The following GK variants were observed in gnomAD, a reference collection of about 807,000 sequenced individuals.
GK encodes the protein glycerol kinase.
GK carries 9 observed loss-of-function variants against 56.4 expected under a neutral mutation model. That is an observed-to-expected ratio of 0.16 (90% CI 0.10 to 0.28). The LOEUF is 0.28. GK is among the 10% of genes least tolerant of loss of function. The pLI is 1.00. For synonymous variants in GK, 104 were observed against 144.1 expected (o/e 0.72, Z 1.99); for missense variants, 161 against 431.4 (o/e 0.37, Z 5.55).
chrX:30,690,161 T>A (rs1225326642), intron 4 of GK, among the ~76,000 whole-genome samples: 1 of 112,196 alleles, frequency 8.9e-6, no homozygotes, highest in Non-Finnish European at 1.9e-5. Flanking sequence ...ATTGCTAGCA[T>A]TCAAATATGT....
intron 11 of GK, among the ~76,000 whole-genome samples, chrX:30,707,073 G>T (rs769614104): frequency 3.6e-5 from 4 of 112,055 alleles, no homozygotes; most frequent in African/African-American, 6.5e-5. Flanking sequence ...TTAAACGTCT[G>T]TAATCCCAGC....
At chrX:30,669,261 C>T (rs761958081) in intron 3 of GK, among the ~76,000 whole-genome samples, 1 of 105,552 alleles carries the variant, frequency 9.5e-6, no homozygotes, top group South Asian at 4.4e-4. Flanking sequence ...CGGCTCACTG[C>T]AACTTCCACC....
intron 8 of GK, among the ~76,000 whole-genome samples, chrX:30,697,097 G>A (rs780731537): frequency 1.5e-4 from 17 of 112,708 alleles, no homozygotes; most frequent in African/African-American, 5.5e-4. Context: ...CTTTGCCTGA[G>A]CAAAATTTAG....
At chrX:30,664,175 T>C (rs1392908212) in intron 1 of GK, among the ~76,000 whole-genome samples, 1 of 94,470 alleles carries the variant, frequency 1.1e-5, no homozygotes, top group Non-Finnish European at 2.0e-5. Flanking sequence ...TATAGATATA[T>C]ATATATCTTA....
chrX:30,687,878 G>C (rs1934709287), intron 4 of GK, among the ~76,000 whole-genome samples: 1 of 111,903 alleles, frequency 8.9e-6, no homozygotes, highest in Non-Finnish European at 1.9e-5. Flanking sequence ...GAGCATTTGT[G>C]AATTGCTTGG....
At chrX:30,671,217 G>A (rs1426495180) in intron 3 of GK, among the ~76,000 whole-genome samples, 1 of 105,545 alleles carries the variant, frequency 9.5e-6, no homozygotes, top group Admixed American at 1.0e-4. Context: ...CTTGAACCTG[G>A]GAGGCAGAAG....
rs139977397 is a variant in GK at position 30,659,570 on chromosome X, G to C, written c.79-5941G>C. ...TGTGTCATAAAAGAGTAGACTAGTG[G>C]GGAAATCACATGGGGAGGGAAATGA... is the stretch of plus-strand genomic sequence containing the variant. On this transcript the variant is annotated intron_variant, in intron 1 of 20. Coordinates refer to ENST00000427190, the MANE Select transcript of GK (RefSeq NM_001205019.2). 2.8e-3 allele frequency among the ~76,000 whole-genome samples: 314 copies of C among 111,256 alleles called. 1 individual carries two copies. The highest frequency in any genetic ancestry group is 0.01 in the African/African-American group (309 of 30,603).
chrX:30,722,453 A>C (rs950260529), intron 18 of GK, among the ~76,000 whole-genome samples: 1 of 112,337 alleles, frequency 8.9e-6, no homozygotes, highest in African/African-American at 3.2e-5. Flanking sequence ...CTGTGCCAAG[A>C]GAGCCATCTC....
chrX:30,674,305 A>G, intron 3 of GK: 1 of 330,866 alleles, frequency 3.0e-6, no homozygotes, highest in South Asian at 2.6e-5. Flanking sequence ...TTGGCAGATA[A>G]CCCTACCTCC....
intron 2 of GK, among the ~76,000 whole-genome samples, chrX:30,667,693 G>A (rs757472508): frequency 3.7e-4 from 41 of 111,828 alleles, no homozygotes; most frequent in African/African-American, 1.3e-3. Context: ...AATTAAATCT[G>A]CAGGATATAA....
At chrX:30,663,819 G>A (rs978331737) in intron 1 of GK, among the ~76,000 whole-genome samples, 1 of 105,647 alleles carries the variant, frequency 9.5e-6, no homozygotes, top group Admixed American at 1.1e-4. Context: ...GAGTAATTTT[G>A]GAAGTTAATT....
At chrX:30,700,372 A>G (rs1211962945) in intron 9 of GK, 42 bp from the exon 10 acceptor site, 12 of 1,112,964 alleles carry the variant, frequency 1.1e-5, no homozygotes, top group Non-Finnish European at 1.5e-5. Flanking sequence ...GTAGAGCCAA[A>G]ATTTTGTGAC....
intron 13 of GK, among the ~76,000 whole-genome samples, chrX:30,717,296 T>C (rs1422473276): frequency 9.0e-6 from 1 of 111,392 alleles, no homozygotes; most frequent in Admixed American, 9.6e-5. Flanking sequence ...TACTTCTTTT[T>C]TTTTTTGCCT....
At chrX:30,655,386 A>G (rs981055266) in intron 1 of GK, among the ~76,000 whole-genome samples, 2 of 110,680 alleles carry the variant, frequency 1.8e-5, no homozygotes, top group African/African-American at 6.5e-5. Context: ...GCCTGCAGGG[A>G]CCAGGCAGGT....
chrX:30,722,927 A>C (rs767370978), intron 18 of GK, among the ~76,000 whole-genome samples: 2 of 111,189 alleles, frequency 1.8e-5, no homozygotes, highest in African/African-American at 6.6e-5. Context: ...GGGGTTCAGC[A>C]CCCTTAGAAG....
At chrX:30,663,170 C>A (rs972658774) in intron 1 of GK, among the ~76,000 whole-genome samples, 1 of 110,872 alleles carries the variant, frequency 9.0e-6, no homozygotes, top group East Asian at 2.8e-4. Context: ...CCACCGCGCC[C>A]GGCCAATACT....
intron 4 of GK, among the ~76,000 whole-genome samples, chrX:30,685,140 C>CT (rs1282559988): frequency 4.8e-4 from 48 of 100,173 alleles, no homozygotes; most frequent in Non-Finnish European, 8.0e-4. Context: ...TTTTTTTTTT[C>CT]TTTTTTTTTG....
At chrX:30,678,670 TG>T (rs754520893) in intron 4 of GK, among the ~76,000 whole-genome samples, 3 of 80,015 alleles carry the variant, frequency 3.7e-5, no homozygotes, top group African/African-American at 1.2e-4. Flanking sequence ...TTTTCTGTGG[TG>T]TTTTTTTTTT....
intron 4 of GK, among the ~76,000 whole-genome samples, chrX:30,683,346 A>G (rs938163865): frequency 9.0e-6 from 1 of 111,192 alleles, no homozygotes; most frequent in Non-Finnish European, 1.9e-5. Context: ...GTGAGCCACC[A>G]TACCCGGCCA....
Sources: gnomAD v4.1 joint callset for allele counts (sites outside exome capture counted in the v4.1 genomes callset) on GRCh38, gnomAD v4.1.1 for gene constraint, MANE v1.5 for transcripts, NCBI Gene and HGNC (gene_info 2026-07-23, HGNC 2026-07-21) for gene names.